PTN: variants seen among roughly 807,000 people sequenced by gnomAD.
The protein encoded by PTN is pleiotrophin.
PTN carries 18 observed loss-of-function variants against 24.1 expected under a neutral mutation model. That is an observed-to-expected ratio of 0.75 (90% confidence interval 0.52 to 1.11). The LOEUF (loss-of-function observed/expected upper bound fraction) is 1.11. Ranked by LOEUF, PTN falls within the 50% of genes least tolerant of loss-of-function variation. The pLI is 0.00. For missense variants in PTN, 163 were observed against 198.8 expected, an observed-to-expected ratio of 0.82 and a Z score of 1.08; for synonymous variants, 78 against 68.6, an observed-to-expected ratio of 1.14 and a Z score of -0.67.
At chr7:137,301,345 C>T (rs946216971) in intron 1 of PTN, among the ~76,000 whole-genome samples, 1 of 151,852 alleles carries the variant, frequency 6.6e-6, no homozygotes, top group African/African-American at 2.4e-5. Context: ...CTCCTCATAG[C>T]ACCTGTACCG....
chr7:137,298,643 A>AT (rs1809757265), intron 1 of PTN, among the ~76,000 whole-genome samples: 1 of 151,922 alleles, frequency 6.6e-6, no homozygotes, highest in Non-Finnish European at 1.5e-5. Flanking sequence ...TCTGTTGCCT[A>AT]TAATTATTGT....
chr7:137,311,778 A>G lies in PTN; in HGVS notation c.-2+31661T>C, dbSNP rs1809986777. On this transcript the variant is annotated intron_variant, in intron 1 of 4. Transcript: ENST00000348225. Reference sequence around the variant, plus strand: ...TTCATGATACCCCAAAACAATTACAACAGTAACATCAAGATCACTGATCAC... The same window carrying G: ...TTCATGATACCCCAAAACAATTACAGCAGTAACATCAAGATCACTGATCAC... Among the ~76,000 whole-genome samples the G allele has an allele frequency of 1.4e-5, 2 of 147,318 alleles. 1 individual carries two copies. The highest frequency in any genetic ancestry group is 5.5e-5 in the African/African-American group (2 of 36,692).
At position 137,277,526 on chromosome 7, in the gene PTN, T is replaced by C. The variant is rs73163685; in HGVS notation, c.-1-22552A>G. On this transcript the variant is annotated intron_variant, in intron 1 of 4. Transcript: ENST00000348225. ...ACCAAAATGTCTATCAACAGGTACA[T>C]TGATGAATAAATTGTAGTATAGTCA... Among the ~76,000 whole-genome samples, 650 of 152,290 alleles carry C rather than the reference T, an allele frequency of 4.3e-3. 1 individual carries two copies. Among genetic ancestry groups the C allele is most frequent in the Non-Finnish European group, 6.8e-3 (466 of 68,030 alleles).
intron 1 of PTN, among the ~76,000 whole-genome samples, chr7:137,262,121 C>T (rs1370675041): frequency 1.3e-5 from 2 of 151,884 alleles, no homozygotes; most frequent in African/African-American, 4.8e-5. Flanking sequence ...CCTGAGATGC[C>T]CAAGGGATTT....
chr7:137,343,016 G>C (rs1310629491), intron 1 of PTN, among the ~76,000 whole-genome samples: 2 of 152,118 alleles, frequency 1.3e-5, no homozygotes, highest in Admixed American at 6.5e-5. Flanking sequence ...GAATCAGAGA[G>C]AGGCTGGGAA....
In PTN at chr7:137,291,380, T is replaced by C. The variant is rs1809637041; in HGVS notation, c.-1-36406A>G. Among the ~76,000 whole-genome samples, 3 of 152,176 alleles carry C rather than the reference T, an allele frequency of 2.0e-5. No homozygotes were observed. The South Asian group carries it at 6.2e-4, about 32-fold the overall frequency. Reference sequence around the variant, plus strand: ...TTTCACAAAATAATTTGATTGAAACTGTGCCTCAGTCTAGTTGTATCAAAG... The same window carrying C: ...TTTCACAAAATAATTTGATTGAAACCGTGCCTCAGTCTAGTTGTATCAAAG... On this transcript the variant is annotated intron_variant, in intron 1 of 4. Coordinates refer to ENST00000348225, the MANE Select transcript of PTN (RefSeq NM_002825.7).
intron 1 of PTN, among the ~76,000 whole-genome samples, chr7:137,338,207 T>G (rs1810479633): frequency 6.6e-6 from 1 of 152,178 alleles, no homozygotes; most frequent in Non-Finnish European, 1.5e-5. Flanking sequence ...GGATTTGCCT[T>G]CTTTCCCTTC....
chr7:137,311,494 A>T (rs1003537391), intron 1 of PTN, among the ~76,000 whole-genome samples: 6 of 152,136 alleles, frequency 3.9e-5, no homozygotes, highest in Non-Finnish European at 8.8e-5. Context: ...TTGACTTCTG[A>T]TATGCCCTTC....
intron 1 of PTN, among the ~76,000 whole-genome samples, chr7:137,341,462 CAG>C (rs1306406038): frequency 6.6e-6 from 1 of 151,900 alleles, no homozygotes; most frequent in Non-Finnish European, 1.5e-5. Flanking sequence ...TCTAAAAAAA[CAG>C]AGAATTATAT....
chr7:137,318,753 C>T (rs1810114337), intron 1 of PTN: 1 of 152,104 alleles, frequency 6.6e-6, no homozygotes, highest in Admixed American at 6.5e-5. Flanking sequence ...TCAAATCTAG[C>T]CTTTGCTAAT....
intron 4 of PTN, among the ~76,000 whole-genome samples, chr7:137,250,382 T>A (rs1483562360): frequency 1.3e-5 from 2 of 152,174 alleles, no homozygotes; most frequent in East Asian, 3.9e-4. Context: ...CTCTATGTAT[T>A]TCTGTGTCCT....
At chr7:137,341,935 A>G (rs1810540791) in intron 1 of PTN, among the ~76,000 whole-genome samples, 1 of 152,172 alleles carries the variant, frequency 6.6e-6, no homozygotes, top group South Asian at 2.1e-4. Flanking sequence ...GAAATAACTC[A>G]TGTCCCAAAG....
chr7:137,238,761 T>C (rs891587), intron 4 of PTN, among the ~76,000 whole-genome samples: 17,349 of 152,216 alleles, frequency 0.11, 1,338 homozygotes, highest in East Asian at 0.31. Context: ...TTAGCTGCCA[T>C]GCAGCTTGAG....
Position 137,339,372 on chromosome 7 carries a change from G to A in PTN, c.-2+4067C>T, listed in dbSNP as rs529986637. On this transcript the variant is annotated intron_variant, in intron 1 of 4. Transcript: ENST00000348225. ...ATGTAGTATTAGGCATCCAACATAC[G>A]TACAATAAATATTGTTAAATTGGCT... Among the ~76,000 whole-genome samples the A allele has an allele frequency of 1.2e-3, 178 of 151,980 alleles. 2 individuals are homozygous for A. The Middle Eastern group carries it at 0.017, about 15-fold the overall frequency.
At chr7:137,259,717 G>A (rs1156892408) in intron 1 of PTN, among the ~76,000 whole-genome samples, 1 of 151,520 alleles carries the variant, frequency 6.6e-6, no homozygotes, top group Non-Finnish European at 1.5e-5. Context: ...TGATTTAATT[G>A]AGACCAACTA....
intron 4 of PTN, among the ~76,000 whole-genome samples, chr7:137,233,943 T>C (rs887633286): frequency 4.0e-5 from 6 of 149,602 alleles, no homozygotes; most frequent in South Asian, 4.2e-4. Flanking sequence ...CATATATATG[T>C]ATATGTACAC....
At chr7:137,312,843 C>G (rs891204056) in intron 1 of PTN, among the ~76,000 whole-genome samples, 2 of 152,018 alleles carry the variant, frequency 1.3e-5, no homozygotes, top group African/African-American at 4.8e-5. Context: ...GATATTAAAA[C>G]TAATTCAAAC....
At chr7:137,231,578 CTGTA>C (rs1808427452) in intron 4 of PTN, among the ~76,000 whole-genome samples, 1 of 151,926 alleles carries the variant, frequency 6.6e-6, no homozygotes, top group South Asian at 2.1e-4. Context: ...GAGACCCTAT[CTGTA>C]TGTTGCAACT....
intron 1 of PTN, among the ~76,000 whole-genome samples, chr7:137,342,513 G>A (rs1173069766): frequency 8.3e-6 from 1 of 121,064 alleles, no homozygotes. Flanking sequence ...TATATAAACT[G>A]CATGTGTGTG....
Sources: gnomAD v4.1 joint callset for allele counts (sites outside exome capture counted in the v4.1 genomes callset) on GRCh38, gnomAD v4.1.1 for gene constraint, MANE v1.5 for transcripts, NCBI Gene and HGNC (gene_info 2026-07-23, HGNC 2026-07-21) for gene names.